GRM7: variants seen among roughly 807,000 people sequenced by gnomAD.
GRM7 encodes the protein glutamate metabotropic receptor 7.
GRM7 carries 35 observed loss-of-function variants against 84.5 expected under a neutral mutation model. The ratio of observed to expected loss-of-function variants is 0.41; its 90% CI spans 0.32 to 0.55. GRM7 has a LOEUF of 0.55. Ranked by LOEUF, GRM7 falls within the 20% of genes least tolerant of loss-of-function variation. The pLI is 0.19. For missense variants in GRM7, 1,003 were observed against 1,194.6 expected (o/e 0.84, Z 2.36); for synonymous variants, 487 against 455.1 (o/e 1.07, Z -0.89).
intron 7 of GRM7, among the ~76,000 whole-genome samples, chr3:7,482,473 G>A (rs1342310710): frequency 6.6e-6 from 1 of 152,150 alleles, no homozygotes; most frequent in Non-Finnish European, 1.5e-5. Flanking sequence ...GACCTAGGGA[G>A]GTACATGGCA....
At chr3:7,424,582 G>A (rs566207920) in intron 5 of GRM7, among the ~76,000 whole-genome samples, 1 of 152,160 alleles carries the variant, frequency 6.6e-6, no homozygotes, top group Non-Finnish European at 1.5e-5. Context: ...TGAGAGTATA[G>A]CTACCAACGA....
intron 4 of GRM7, among the ~76,000 whole-genome samples, chr3:7,356,924 A>T (rs1693434345): frequency 7.6e-6 from 1 of 132,160 alleles, no homozygotes; most frequent in African/African-American, 2.8e-5. Flanking sequence ...TTTTGATCAC[A>T]CACACACACA....
At chr3:7,280,624 A>T (rs944928202) in intron 2 of GRM7, among the ~76,000 whole-genome samples, 2 of 152,244 alleles carry the variant, frequency 1.3e-5, no homozygotes, top group African/African-American at 4.8e-5. Context: ...AGCACTTGAT[A>T]CAAAGCCCAG....
intron 7 of GRM7, among the ~76,000 whole-genome samples, chr3:7,564,550 A>C (rs757323086): frequency 6.6e-6 from 1 of 152,156 alleles, no homozygotes; most frequent in Non-Finnish European, 1.5e-5. Flanking sequence ...AATACTGGCA[A>C]TGTTCAGCTG....
chr3:7,716,198 G>A (rs1701765285), intron 9 of GRM7, among the ~76,000 whole-genome samples: 1 of 152,136 alleles, frequency 6.6e-6, no homozygotes, highest in Non-Finnish European at 1.5e-5. Flanking sequence ...TGGGATGGAT[G>A]TATCCATGTC....
At chr3:7,623,660 A>AG (rs1177283544) in intron 8 of GRM7, among the ~76,000 whole-genome samples, 1 of 152,134 alleles carries the variant, frequency 6.6e-6, no homozygotes, top group Non-Finnish European at 1.5e-5. Flanking sequence ...TCCTACAACC[A>AG]GGACATCCAT....
intron 1 of GRM7, among the ~76,000 whole-genome samples, chr3:7,101,763 C>T (rs1553617101): frequency 1.4e-5 from 2 of 147,080 alleles, no homozygotes; most frequent in East Asian, 2.0e-4. Context: ...ATGTAAATAT[C>T]TAATTAATTA....
intron 4 of GRM7, among the ~76,000 whole-genome samples, chr3:7,345,832 C>CAAAAAA (rs141494248): frequency 6.7e-6 from 1 of 148,350 alleles, no homozygotes. Flanking sequence ...CAAAGAGCCT[C>CAAAAAA]AAAAAAAAAA....
At chr3:7,519,566 A>G (rs1700515921) in intron 7 of GRM7, among the ~76,000 whole-genome samples, 1 of 152,186 alleles carries the variant, frequency 6.6e-6, no homozygotes, top group African/African-American at 2.4e-5. Context: ...GAGGTCATAG[A>G]TAATTCCAAG....
intron 9 of GRM7, among the ~76,000 whole-genome samples, chr3:7,738,260 C>A (rs1702571051): frequency 6.6e-6 from 1 of 152,090 alleles, no homozygotes; most frequent in Admixed American, 6.6e-5. Context: ...AGTCCAACTG[C>A]AGTATTGTCT....
At chr3:7,708,000 C>T (rs1248353178) in intron 9 of GRM7, among the ~76,000 whole-genome samples, 1 of 144,952 alleles carries the variant, frequency 6.9e-6, no homozygotes, top group Non-Finnish European at 1.5e-5. Flanking sequence ...CTTCCAAACT[C>T]AGAGACTGAA....
In GRM7 at chr3:7,486,986, G is replaced by C. The variant is rs542272430; in HGVS notation, c.1515+25264G>C. Among the ~76,000 whole-genome samples the C allele has an allele frequency of 7.9e-5, 12 of 152,304 alleles. No homozygotes were observed. Among genetic ancestry groups the C allele is most frequent in the African/African-American group, 2.6e-4 (11 of 41,580 alleles). ...GTTAAGTTGTGGTGACTGAAATGTA[G>C]ATAGGAATATAGACAGTGAAGGTCA... On this transcript the variant is annotated intron_variant, in intron 7 of 9. Coordinates refer to ENST00000357716, the MANE Select transcript of GRM7 (RefSeq NM_000844.4). This position sits in a 1 kb window ranked among gnomAD's most constrained non-coding sequence, Gnocchi z 5.5.
rs141793794 is a variant in GRM7, at chr3:7,610,745, C to T, written c.2451+31388C>T. Among the ~76,000 whole-genome samples the T allele has an allele frequency of 1.8e-3, 280 of 152,252 alleles. 2 individuals are homozygous for T. Among genetic ancestry groups the T allele is most frequent in the African/African-American group, 5.7e-3 (236 of 41,538 alleles). On this transcript the variant is annotated intron_variant, in intron 8 of 9. Coordinates refer to ENST00000357716, the MANE Select transcript of GRM7 (RefSeq NM_000844.4). ...CAAATTTTAGGCTTCCACGGCCTCC[C>T]GATAGTACCCAAGGCCACATGTTCT...
chr3:7,372,463 CTGTA>C (rs1031597740), intron 4 of GRM7, among the ~76,000 whole-genome samples: 1 of 152,084 alleles, frequency 6.6e-6, no homozygotes, highest in African/African-American at 2.4e-5. Context: ...AGAGGGCAGT[CTGTA>C]TGCATAAAAT....
intron 1 of GRM7, among the ~76,000 whole-genome samples, chr3:7,003,844 G>A (rs1265327677): frequency 6.6e-6 from 1 of 152,134 alleles, no homozygotes; most frequent in Non-Finnish European, 1.5e-5. Context: ...TAATTAGCAG[G>A]TTAGCTAACT....
chr3:7,347,442 G>A lies in GRM7; in HGVS notation c.1033+40790G>A, dbSNP rs73113756. Among the ~76,000 whole-genome samples the A allele has an allele frequency of 5.7e-3, 874 of 152,292 alleles. 7 individuals carry two copies. The highest frequency in any genetic ancestry group is 0.02 in the African/African-American group (835 of 41,586). On this transcript the variant is annotated intron_variant, in intron 4 of 9. Coordinates refer to ENST00000357716, the MANE Select transcript of GRM7 (RefSeq NM_000844.4). ...GCAGATATGCCAATAAGATTTTCAT[G>A]AGAGTGAGCCAGTTTAACTAGAAAA...
intron 8 of GRM7, among the ~76,000 whole-genome samples, chr3:7,665,292 C>T (rs1303023897): frequency 2.0e-5 from 3 of 151,684 alleles, no homozygotes; most frequent in Non-Finnish European, 4.4e-5. Context: ...CTGCCTCAGC[C>T]TCCCGAGTAG....
At chr3:6,881,805 G>A (rs1400990141) in intron 1 of GRM7, among the ~76,000 whole-genome samples, 5 of 152,118 alleles carry the variant, frequency 3.3e-5, no homozygotes, top group South Asian at 4.1e-4. Context: ...GCATAGACAT[G>A]GGGAATACTA....
At position 6,862,547 on chromosome 3, in the gene GRM7, C is replaced by T. The variant is rs77202805; in HGVS notation, c.519+640C>T. Among the ~76,000 whole-genome samples, 440 of 152,290 alleles carry T rather than the reference C, an allele frequency of 2.9e-3. 2 individuals carry two copies. Among genetic ancestry groups the T allele is most frequent in the African/African-American group, 0.01 (420 of 41,572 alleles). On this transcript the variant is annotated intron_variant, in intron 1 of 9. Transcript: ENST00000357716. This position sits in a 1 kb window ranked among gnomAD's most constrained non-coding sequence, Gnocchi z 5.2. Reference sequence around the variant, plus strand: ...TCCTCAGGTGGAGAGATGCTGCCCGCAGACGTGACCCCCGGTTGGTTTGCT... The same window carrying T: ...TCCTCAGGTGGAGAGATGCTGCCCGTAGACGTGACCCCCGGTTGGTTTGCT...
Sources: gnomAD v4.1 joint callset for allele counts (sites outside exome capture counted in the v4.1 genomes callset) on GRCh38, gnomAD v4.1.1 for gene constraint, Gnocchi (gnomAD v3.1) non-coding constraint, MANE v1.5 for transcripts, NCBI Gene and HGNC (gene_info 2026-07-23, HGNC 2026-07-21) for gene names.